The following GAPVD1 variants were observed in gnomAD, a reference collection of about 807,000 sequenced individuals.
GAPVD1 encodes GTPase-activating protein and VPS9 domain-containing protein 1.
A neutral mutation model predicts 155.5 loss-of-function variants in GAPVD1; 35 were observed. The observed-to-expected ratio is 0.23, with a 90% CI of 0.17 to 0.30. The LOEUF (loss-of-function observed/expected upper bound fraction) is 0.30. Among genes scored for constraint, GAPVD1 ranks in the 10% least tolerant of loss-of-function variants. The pLI is 1.00. For missense variants in GAPVD1, 1,429 were observed against 1,775.7 expected (o/e 0.80, Z 3.51); for synonymous variants, 636 against 619.7 (o/e 1.03, Z -0.39).
chr9:125,338,085 A>G (rs188361796), intron 17 of GAPVD1, among the ~76,000 whole-genome samples: 97 of 152,330 alleles, frequency 6.4e-4, no homozygotes, highest in African/African-American at 2.3e-3. Context: ...CATGTTGGCC[A>G]GGATGGTTTT....
Position 125,283,787 on chromosome 9 carries a change from C to G in GAPVD1, c.-149-11671C>G, listed in dbSNP as rs116720519. Among the ~76,000 whole-genome samples, 761 of 152,152 alleles carry G rather than the reference C, an allele frequency of 5.0e-3. 9 individuals carry two copies. The highest frequency in any genetic ancestry group is 0.017 in the African/African-American group (714 of 41,522). ...ATAAAAAGTTGGAAATATTTTTTTT[C>G]CTACCTTAGAGACCTTCTCTTTAGT... is the stretch of plus-strand genomic sequence containing the variant. On this transcript the variant is annotated intron_variant, in intron 2 of 27. Coordinates refer to ENST00000297933, the MANE Select transcript of GAPVD1 (RefSeq NM_001282680.3).
At chr9:125,291,706 G>A (rs1838638391) in intron 2 of GAPVD1, among the ~76,000 whole-genome samples, 1 of 152,124 alleles carries the variant, frequency 6.6e-6, no homozygotes, top group Non-Finnish European at 1.5e-5. Context: ...TGGTGTGAAA[G>A]TGGACCCATA....
chr9:125,276,883 T>C (rs1042340381), intron 2 of GAPVD1, among the ~76,000 whole-genome samples: 1 of 152,082 alleles, frequency 6.6e-6, no homozygotes, highest in Non-Finnish European at 1.5e-5. Context: ...ATCAGCCTCC[T>C]GAGAACCTAG....
At chr9:125,322,697 T>C (rs1202199289) in intron 10 of GAPVD1, among the ~76,000 whole-genome samples, 2 of 151,896 alleles carry the variant, frequency 1.3e-5, no homozygotes, top group Non-Finnish European at 2.9e-5. Flanking sequence ...ACATGGCATA[T>C]CATAATTTTT....
chr9:125,313,651 G>C (rs908888560), intron 9 of GAPVD1, among the ~76,000 whole-genome samples: 2 of 151,972 alleles, frequency 1.3e-5, no homozygotes, highest in Non-Finnish European at 1.5e-5. Context: ...TGCACAGCTG[G>C]AGTGCAATGG....
At chr9:125,354,968 G>C (rs1849847836) in intron 24 of GAPVD1, 127 bp downstream of exon 24, 3 of 567,660 alleles carry the variant, frequency 5.3e-6, no homozygotes, top group Non-Finnish European at 9.2e-6. Flanking sequence ...TTATTTTATG[G>C]AATCTTAATA....
chr9:125,297,673 G>C (rs745711233), intron 3 of GAPVD1, among the ~76,000 whole-genome samples: 1 of 152,194 alleles, frequency 6.6e-6, no homozygotes, highest in East Asian at 1.9e-4. Context: ...AGGACCTTCA[G>C]ATTTCATTCT....
At chr9:125,268,078 C>G (rs891625878) in intron 1 of GAPVD1, among the ~76,000 whole-genome samples, 5 of 151,786 alleles carry the variant, frequency 3.3e-5, no homozygotes, top group East Asian at 1.9e-4. Context: ...GCAGGAGAAT[C>G]GCTTGAACCC....
In GAPVD1 at chr9:125,307,738, T is replaced by TA; in HGVS notation, c.1300dup (p.Arg434LysfsTer5). The TA allele has an allele frequency of 6.2e-7, 1 of 1,614,104 alleles. No homozygotes were observed. ...TGTCTGGAGATCAACTGAGAGAAGATAGAATGGCTCTTGACAATTTATTGG... is the reference window on the plus strand; with the variant it reads ...TGTCTGGAGATCAACTGAGAGAAGATAAGAATGGCTCTTGACAATTTATTGG... On this transcript the variant is annotated frameshift_variant, in exon 8 of 28. Transcript: ENST00000297933. LOFTEE classifies it high-confidence loss of function.
intron 25 of GAPVD1, among the ~76,000 whole-genome samples, chr9:125,356,498 T>C (rs953297435): frequency 1.3e-5 from 2 of 152,144 alleles, no homozygotes; most frequent in African/African-American, 4.8e-5. Context: ...TTTTTTCTTT[T>C]TCTTTTCTTT....
chr9:125,326,951 A>C (rs1286587397), intron 12 of GAPVD1, among the ~76,000 whole-genome samples: 1 of 152,200 alleles, frequency 6.6e-6, no homozygotes. Flanking sequence ...TTGAAGCCAA[A>C]CACCTAACCT....
At position 125,364,249 on chromosome 9, in the gene GAPVD1, T is replaced by A. The variant is rs1427740317; in HGVS notation, c.*1503T>A. The A allele has an allele frequency of 6.6e-6, 1 of 151,246 alleles. No homozygotes were observed. Among genetic ancestry groups the A allele is most frequent in the East Asian group, 1.9e-4 (1 of 5,200 alleles). 9.4% of individuals were successfully genotyped at this position (151,246 alleles called of 1,614,324 possible). On this transcript the variant is annotated 3_prime_UTR_variant, in exon 28 of 28. Transcript: ENST00000297933. Reference sequence around the variant, plus strand: ...TTTTTTTCTTTGTTTTTATTTTATTTTATTTTATTTTTTTGAGACAGAGTC... The same window carrying A: ...TTTTTTTCTTTGTTTTTATTTTATTATATTTTATTTTTTTGAGACAGAGTC...
rs749014686 is a variant in GAPVD1, at chr9:125,364,137, A to G, written c.*1391A>G. The G allele has an allele frequency of 6.6e-6, 1 of 152,246 alleles. No homozygotes were observed. The highest frequency in any genetic ancestry group is 1.5e-5 in the Non-Finnish European group (1 of 68,048). The allele number at this position is 152,246 out of a possible 1,614,324, so 9.4% of individuals were successfully genotyped here. A position where few individuals can be genotyped will look rare whatever the true frequency, so the allele number is the denominator to read the frequency against. On this transcript the variant is annotated 3_prime_UTR_variant, in exon 28 of 28. Transcript: ENST00000297933. Reference sequence around the variant, plus strand: ...CCAGGCATCTTTTAAGGGAACTGTGACAAACAGCCTCGGGCAGATGAACAC... The same window carrying G: ...CCAGGCATCTTTTAAGGGAACTGTGGCAAACAGCCTCGGGCAGATGAACAC...
rs774119013 is a variant in GAPVD1 at position 125,350,834 on chromosome 9, T to C, written c.3531T>C (p.Thr1177=). 6.2e-7 allele frequency: 1 copy of C among 1,614,012 alleles called. No homozygotes were observed. Among genetic ancestry groups the C allele is most frequent in the South Asian group, 1.1e-5 (1 of 91,038 alleles). The change falls in exon 23 of 28, where the codon ACT becomes ACC. Residue 1177 remains threonine, a synonymous_variant. Coordinates refer to ENST00000297933, the MANE Select transcript of GAPVD1 (RefSeq NM_001282680.3). ...GTGTGTGCCGTTTTGATAATAGGAC[T>C]TGTAGGAAACTGCTGGCTTCGATTG... The part of the protein sequence containing the change: ...MRCVCRFDNR[T]CRKLLASIAE...
chr9:125,337,005 C>G lies in GAPVD1; in HGVS notation c.2429-13C>G. 1 of 1,562,630 alleles carries G rather than the reference C, an allele frequency of 6.4e-7. No homozygotes were observed. Among genetic ancestry groups the G allele is most frequent in the South Asian group, 1.1e-5 (1 of 89,998 alleles). ...CGTCCTGGCTTGGTCTCACAGTTTC[C>G]CTCCTGTTTTAGGTGCCCACCAGCT... On this transcript the variant is annotated splice_polypyrimidine_tract_variant and intron_variant, in intron 15 of 27. Coordinates refer to ENST00000297933, the MANE Select transcript of GAPVD1 (RefSeq NM_001282680.3).
rs777382594 is a variant in GAPVD1, at chr9:125,360,737, AC to A, written c.4242+13del. Reference sequence around the variant, plus strand: ...TTGTGTTGATAAAGGTGGGCCCCTTACTACTATCAGTTAAGGAGTTATGTGG... The same window carrying A: ...TTGTGTTGATAAAGGTGGGCCCCTTATACTATCAGTTAAGGAGTTATGTGG... On this transcript the variant is annotated intron_variant, in intron 27 of 27. Transcript: ENST00000297933. The A allele has an allele frequency of 6.2e-7, 1 of 1,604,216 alleles. No individual in the cohort carries two copies. Among genetic ancestry groups the A allele is most frequent in the Non-Finnish European group, 8.5e-7 (1 of 1,171,630 alleles).
rs568268864 is a variant in GAPVD1, at chr9:125,271,022, G to T, written c.-150+2038G>T. Among the ~76,000 whole-genome samples, 250 of 151,210 alleles carry T rather than the reference G, an allele frequency of 1.7e-3. 1 individual carries two copies. The highest frequency in any genetic ancestry group is 5.6e-3 in the African/African-American group (232 of 41,320). On this transcript the variant is annotated intron_variant, in intron 2 of 27. Coordinates refer to ENST00000297933, the MANE Select transcript of GAPVD1 (RefSeq NM_001282680.3). ...GGGGTTTCTATAAATTTTTTTTTTT[G>T]AGTTTGAAGATGAACCAGATACCTG...
chr9:125,320,793 T>C (rs1231193159), intron 9 of GAPVD1, among the ~76,000 whole-genome samples: 1 of 151,646 alleles, frequency 6.6e-6, no homozygotes, highest in Admixed American at 6.6e-5. Flanking sequence ...GCCCGGCTAA[T>C]TTTTTTTGTA....
intron 25 of GAPVD1, among the ~76,000 whole-genome samples, chr9:125,358,559 A>T (rs1850450871): frequency 6.6e-6 from 1 of 152,184 alleles, no homozygotes; most frequent in African/African-American, 2.4e-5. Context: ...TTATGTTTGT[A>T]TGAAATATTT....
Sources: gnomAD v4.1 joint callset for allele counts (sites outside exome capture counted in the v4.1 genomes callset) on GRCh38, gnomAD v4.1.1 for gene constraint, MANE v1.5 for transcripts, NCBI Gene and HGNC (gene_info 2026-07-23, HGNC 2026-07-21) for gene names.